GABRB1: variants seen among roughly 807,000 people sequenced by gnomAD.
GABRB1 encodes the protein gamma-aminobutyric acid type A receptor subunit beta1.
A neutral mutation model predicts 51.6 loss-of-function variants in GABRB1; 17 were observed. The observed-to-expected ratio is 0.33, with a 90% confidence interval of 0.23 to 0.49. The LOEUF (loss-of-function observed/expected upper bound fraction) is 0.49, where lower values mean the gene tolerates loss of function less well. Among genes scored for constraint, GABRB1 ranks in the 20% least tolerant of loss-of-function variants. GABRB1 has a pLI of 0.99. For missense variants in GABRB1, 410 were observed against 600.6 expected (o/e 0.68, Z 3.32); for synonymous variants, 247 against 218.9 (o/e 1.13, Z -1.14).
At chr4:47,298,195 C>G (rs1437585578) in intron 4 of GABRB1, among the ~76,000 whole-genome samples, 1 of 152,174 alleles carries the variant, frequency 6.6e-6, no homozygotes, top group Non-Finnish European at 1.5e-5. Context: ...CAGGGATGCC[C>G]TCTCTCACCA....
chr4:47,094,762 T>TAA (rs34400036), intron 3 of GABRB1, among the ~76,000 whole-genome samples: 4 of 122,290 alleles, frequency 3.3e-5, no homozygotes, highest in Admixed American at 8.4e-5. Context: ...AACTTAAAGG[T>TAA]AAAAAAAAAA....
chr4:47,078,925 A>G (rs1211047639), intron 3 of GABRB1, among the ~76,000 whole-genome samples: 5 of 152,142 alleles, frequency 3.3e-5, no homozygotes, highest in Non-Finnish European at 5.9e-5. Flanking sequence ...TGGCCATTCA[A>G]TAAAGAAGTA....
At chr4:47,208,465 C>T (rs28497355) in intron 4 of GABRB1, among the ~76,000 whole-genome samples, 2,805 of 152,006 alleles carry the variant, frequency 0.018, 78 homozygotes, top group African/African-American at 0.062. Flanking sequence ...GAATTTTATT[C>T]TTTAAAATGC....
chr4:47,205,083 C>T (rs1263125065), intron 4 of GABRB1, among the ~76,000 whole-genome samples: 11 of 152,226 alleles, frequency 7.2e-5, no homozygotes, highest in African/African-American at 2.6e-4. Flanking sequence ...TAGAGTCACA[C>T]AGAGGCAGTT....
intron 4 of GABRB1, among the ~76,000 whole-genome samples, chr4:47,213,434 C>G (rs1376168651): frequency 6.6e-6 from 1 of 151,326 alleles, no homozygotes; most frequent in African/African-American, 2.4e-5. Flanking sequence ...CTCTCTCTCT[C>G]TCACTCTCTC....
intron 4 of GABRB1, among the ~76,000 whole-genome samples, chr4:47,301,357 CTG>C (rs530056954): frequency 1.2e-3 from 176 of 152,288 alleles, no homozygotes; most frequent in African/African-American, 3.9e-3. Context: ...TTTAATAAGA[CTG>C]GACATGGTGG....
chr4:47,147,498 C>A (rs1235522853), intron 3 of GABRB1, among the ~76,000 whole-genome samples: 1 of 152,112 alleles, frequency 6.6e-6, no homozygotes, highest in Non-Finnish European at 1.5e-5. Flanking sequence ...GCCCTCAACA[C>A]TGAGGATGTA....
intron 5 of GABRB1, among the ~76,000 whole-genome samples, chr4:47,381,482 A>G (rs1207394246): frequency 6.6e-6 from 1 of 152,206 alleles, no homozygotes; most frequent in Non-Finnish European, 1.5e-5. Context: ...GCGTGTTCAT[A>G]ATCAGGATTC....
At chr4:47,035,433 T>C (rs1725507501) in intron 3 of GABRB1, among the ~76,000 whole-genome samples, 1 of 152,138 alleles carries the variant, frequency 6.6e-6, no homozygotes, top group African/African-American at 2.4e-5. Context: ...TAAACATATC[T>C]ACTTGAGAAC....
chr4:47,369,353 T>A (rs1051287171), intron 5 of GABRB1, among the ~76,000 whole-genome samples: 3 of 152,108 alleles, frequency 2.0e-5, no homozygotes, highest in African/African-American at 7.2e-5. Flanking sequence ...AGAGTTGGAC[T>A]TATTTAGTCA....
At chr4:47,044,421 T>G (rs1725996073) in intron 3 of GABRB1, among the ~76,000 whole-genome samples, 1 of 152,032 alleles carries the variant, frequency 6.6e-6, no homozygotes, top group Non-Finnish European at 1.5e-5. Context: ...TTAAATCACT[T>G]TAAGATGTCA....
chr4:47,093,196 T>C (rs1461264431), intron 3 of GABRB1, among the ~76,000 whole-genome samples: 3 of 152,192 alleles, frequency 2.0e-5, no homozygotes, highest in Non-Finnish European at 4.4e-5. Flanking sequence ...TGTGTTCTAA[T>C]TGACCTGTAT....
intron 1 of GABRB1, among the ~76,000 whole-genome samples, chr4:47,006,286 G>C (rs960398561): frequency 6.6e-6 from 1 of 152,002 alleles, no homozygotes; most frequent in Non-Finnish European, 1.5e-5. Context: ...TGCTGAAACA[G>C]TTGGGCTCTT....
chr4:47,257,019 C>T (rs1220619348), intron 4 of GABRB1, among the ~76,000 whole-genome samples: 3 of 152,286 alleles, frequency 2.0e-5, no homozygotes, highest in East Asian at 3.9e-4. Flanking sequence ...ATCCACTCTC[C>T]ATTTTTTTCC....
chr4:47,336,240 G>T (rs923414935), intron 5 of GABRB1, among the ~76,000 whole-genome samples: 1 of 152,180 alleles, frequency 6.6e-6, no homozygotes, highest in African/African-American at 2.4e-5. Flanking sequence ...TCATGATCTT[G>T]TAGATATATT....
intron 3 of GABRB1, among the ~76,000 whole-genome samples, chr4:47,108,882 C>G (rs1045595740): frequency 1.3e-5 from 2 of 151,938 alleles, no homozygotes; most frequent in African/African-American, 4.8e-5. Context: ...AATTATCTAC[C>G]TTACCTATTA....
intron 3 of GABRB1, among the ~76,000 whole-genome samples, chr4:47,092,322 A>G (rs1205764613): frequency 6.7e-6 from 1 of 149,168 alleles, no homozygotes; most frequent in Non-Finnish European, 1.5e-5. Context: ...ACAGGCACAC[A>G]CCACCACGCC....
At chr4:47,145,259 A>G (rs1339471683) in intron 3 of GABRB1, among the ~76,000 whole-genome samples, 2 of 151,856 alleles carry the variant, frequency 1.3e-5, no homozygotes, top group Admixed American at 6.6e-5. Context: ...CCTTTTTTGG[A>G]CTTATGGCAG....
At chr4:47,161,504 T>C (rs1322383344) in intron 4 of GABRB1, 35 bp downstream of exon 4, 11 of 1,559,610 alleles carry the variant, frequency 7.1e-6, no homozygotes, top group Non-Finnish European at 9.7e-6. Flanking sequence ...TTAATGTTGT[T>C]GTTGTTTTGT....
Sources: gnomAD v4.1 joint callset for allele counts (sites outside exome capture counted in the v4.1 genomes callset) on GRCh38, gnomAD v4.1.1 for gene constraint, MANE v1.5 for transcripts, NCBI Gene and HGNC (gene_info 2026-07-23, HGNC 2026-07-21) for gene names.